The following GABRB1 variants were observed in gnomAD, a reference collection of about 807,000 sequenced individuals.
GABRB1 encodes the protein gamma-aminobutyric acid type A receptor subunit beta1.
Under a neutral mutation model 51.6 loss-of-function variants are expected in GABRB1, and 17 were observed. That is an observed-to-expected ratio of 0.33 (90% CI 0.23 to 0.49). The LOEUF is 0.49. Ranked by LOEUF, GABRB1 falls within the 20% of genes least tolerant of loss-of-function variation. The probability of loss-of-function intolerance (pLI) is 0.99; values close to 1 mark genes in which losing one functional copy is unlikely to be tolerated. For synonymous variants in GABRB1, 247 were observed against 218.9 expected, an observed-to-expected ratio of 1.13 and a Z score of -1.14; for missense variants, 410 against 600.6, an observed-to-expected ratio of 0.68 and a Z score of 3.32.
At chr4:47,138,369 C>T (rs1028697600) in intron 3 of GABRB1, among the ~76,000 whole-genome samples, 5 of 152,006 alleles carry the variant, frequency 3.3e-5, no homozygotes, top group Non-Finnish European at 4.4e-5. Flanking sequence ...GTCCAGAACC[C>T]CTTGTTTTAA....
chr4:47,267,234 C>T (rs992737702), intron 4 of GABRB1, among the ~76,000 whole-genome samples: 2 of 151,828 alleles, frequency 1.3e-5, no homozygotes, highest in Non-Finnish European at 2.9e-5. Flanking sequence ...AAAGTGCCTT[C>T]ATAGAAAGAG....
intron 5 of GABRB1, among the ~76,000 whole-genome samples, chr4:47,328,684 G>A (rs993153108): frequency 6.6e-5 from 10 of 151,816 alleles, no homozygotes; most frequent in South Asian, 2.1e-4. Flanking sequence ...ACCAAACACC[G>A]CATGTTCTCA....
chr4:47,288,834 C>A (rs1723615231), intron 4 of GABRB1, among the ~76,000 whole-genome samples: 1 of 152,192 alleles, frequency 6.6e-6, no homozygotes, highest in South Asian at 2.1e-4. Flanking sequence ...ACGTCAACAG[C>A]TGATGGAGCC....
At chr4:47,193,958 G>T (rs1719546257) in intron 4 of GABRB1, among the ~76,000 whole-genome samples, 1 of 151,980 alleles carries the variant, frequency 6.6e-6, no homozygotes, top group African/African-American at 2.4e-5. Flanking sequence ...CATGCAAAAT[G>T]CATTATTTCA....
intron 4 of GABRB1, among the ~76,000 whole-genome samples, chr4:47,203,028 C>T (rs947443957): frequency 2.0e-5 from 3 of 152,174 alleles, no homozygotes; most frequent in African/African-American, 7.2e-5. Flanking sequence ...ACTGCCTCCA[C>T]CTCCCATACA....
chr4:47,259,579 T>C (rs1722345257), intron 4 of GABRB1, among the ~76,000 whole-genome samples: 1 of 152,138 alleles, frequency 6.6e-6, no homozygotes, highest in South Asian at 2.1e-4. Flanking sequence ...TCATACAAAA[T>C]AGGCATTATT....
At chr4:47,298,272 C>T (rs1230026385) in intron 4 of GABRB1, among the ~76,000 whole-genome samples, 2 of 152,098 alleles carry the variant, frequency 1.3e-5, no homozygotes, top group Non-Finnish European at 2.9e-5. Context: ...AAAGGGTATT[C>T]AATTAGGAAA....
intron 4 of GABRB1, among the ~76,000 whole-genome samples, chr4:47,193,564 A>G (rs895633219): frequency 1.3e-5 from 2 of 152,212 alleles, no homozygotes; most frequent in African/African-American, 4.8e-5. Flanking sequence ...TATCTCACAG[A>G]GTTTTGGGGA....
At chr4:46,995,436 G>A (rs1187363709) in intron 1 of GABRB1, among the ~76,000 whole-genome samples, 2 of 152,156 alleles carry the variant, frequency 1.3e-5, no homozygotes. Context: ...CATAGTGACT[G>A]CAGCCTCTAC....
intron 1 of GABRB1, among the ~76,000 whole-genome samples, chr4:47,010,661 A>C (rs1048522981): frequency 1.3e-5 from 2 of 152,192 alleles, no homozygotes; most frequent in South Asian, 4.1e-4. Flanking sequence ...ATTATGTAGC[A>C]AAGTTCCTGA....
chr4:47,092,534 G>A (rs1728367638), intron 3 of GABRB1, among the ~76,000 whole-genome samples: 1 of 151,388 alleles, frequency 6.6e-6, no homozygotes, highest in Admixed American at 6.6e-5. Flanking sequence ...CTTTTTGTAT[G>A]AATAAATAAA....
At chr4:47,298,020 G>A (rs949033823) in intron 4 of GABRB1, among the ~76,000 whole-genome samples, 3 of 152,094 alleles carry the variant, frequency 2.0e-5, no homozygotes, top group Non-Finnish European at 4.4e-5. Flanking sequence ...TGCAGAAAAG[G>A]CCTTTGACAA....
At chr4:47,390,274 C>G (rs961221744) in intron 5 of GABRB1, among the ~76,000 whole-genome samples, 10 of 152,188 alleles carry the variant, frequency 6.6e-5, no homozygotes, top group Non-Finnish European at 7.3e-5. Flanking sequence ...AGATCCACAC[C>G]ATGAAATTTG....
chr4:47,084,506 T>C (rs1201908757), intron 3 of GABRB1, among the ~76,000 whole-genome samples: 5 of 152,218 alleles, frequency 3.3e-5, no homozygotes, highest in Non-Finnish European at 7.3e-5. Context: ...ACTTTGTGTA[T>C]CTAGAAGTCT....
At chr4:47,189,217 G>A (rs1471432456) in intron 4 of GABRB1, among the ~76,000 whole-genome samples, 1 of 151,846 alleles carries the variant, frequency 6.6e-6, no homozygotes, top group Non-Finnish European at 1.5e-5. Context: ...CAGGGCAATG[G>A]ACATACTTGG....
intron 5 of GABRB1, among the ~76,000 whole-genome samples, chr4:47,373,653 T>C (rs1466388060): frequency 1.3e-5 from 2 of 152,162 alleles, no homozygotes; most frequent in East Asian, 3.9e-4. Flanking sequence ...CTTTGTGGAG[T>C]CTTGAGCTGT....
chr4:47,258,662 C>G (rs1176249088), intron 4 of GABRB1, among the ~76,000 whole-genome samples: 1 of 152,146 alleles, frequency 6.6e-6, no homozygotes, highest in East Asian at 1.9e-4. Flanking sequence ...TTAGTCAAGA[C>G]TCAATTTCCT....
intron 3 of GABRB1, among the ~76,000 whole-genome samples, chr4:47,051,870 C>T (rs990568780): frequency 5.9e-5 from 9 of 151,994 alleles, no homozygotes; most frequent in East Asian, 1.9e-4. Context: ...GACTCACGCC[C>T]GTAATCCCAG....
intron 1 of GABRB1, among the ~76,000 whole-genome samples, chr4:47,004,759 A>G (rs1303936952): frequency 6.6e-6 from 1 of 152,248 alleles, no homozygotes; most frequent in Non-Finnish European, 1.5e-5. Flanking sequence ...TACGTAGTTT[A>G]TAATCCAGAA....
Sources: gnomAD v4.1 joint callset for allele counts (sites outside exome capture counted in the v4.1 genomes callset) on GRCh38, gnomAD v4.1.1 for gene constraint, MANE v1.5 for transcripts, NCBI Gene and HGNC (gene_info 2026-07-23, HGNC 2026-07-21) for gene names.